Variants in FAM222A observed in about 807,000 individuals in gnomAD.
The protein encoded by FAM222A is family with sequence similarity 222 member A.
A neutral mutation model predicts 25.8 loss-of-function variants in FAM222A; 7 were observed. The ratio of observed to expected loss-of-function variants is 0.27; its 90% CI spans 0.15 to 0.51. FAM222A has a LOEUF of 0.51. Among genes scored for constraint, FAM222A ranks in the 20% least tolerant of loss-of-function variants. FAM222A has a pLI of 0.97. For synonymous variants in FAM222A, 294 were observed against 298.8 expected (o/e 0.98, Z 0.17); for missense variants, 573 against 640.5 (o/e 0.89, Z 1.14).
intron 2 of FAM222A, among the ~76,000 whole-genome samples, chr12:109,765,639 C>T (rs892049540): frequency 3.9e-5 from 6 of 152,224 alleles, no homozygotes; most frequent in Admixed American, 1.3e-4. Flanking sequence ...GTCCCGCCAC[C>T]GCCTGTTCCT....
intron 2 of FAM222A, among the ~76,000 whole-genome samples, chr12:109,755,805 T>C (rs542598683): frequency 2.2e-4 from 33 of 152,402 alleles, no homozygotes; most frequent in African/African-American, 7.9e-4. Context: ...GGTTTATTTC[T>C]GGATTTTCTA....
chr12:109,764,206 A>G (rs1888975998), intron 2 of FAM222A, among the ~76,000 whole-genome samples: 1 of 94,896 alleles, frequency 1.1e-5, no homozygotes, highest in Non-Finnish European at 2.1e-5. Context: ...TTCTACCCTG[A>G]GTAAGACCCT....
chr12:109,768,275 G>A lies in FAM222A; in HGVS notation c.346G>A (p.Ala116Thr). The A allele has an allele frequency of 6.2e-7, 1 of 1,606,252 alleles. No individual in the cohort carries two copies. Among genetic ancestry groups the A allele is most frequent in the South Asian group, 1.1e-5 (1 of 90,178 alleles). The change falls in exon 3 of 3, where the codon GCC (alanine) becomes ACC (threonine). Residue 116 changes from alanine to threonine, a missense_variant. Ala to Thr is a moderately conservative substitution (Grantham distance 58). Transcript: ENST00000538780. ...VKAAVSSSST[A>T]APAGPAKSVL... ...GGCCGCGGTTTCCTCCTCCAGCACG[G>A]CCGCACCAGCTGGGCCCGCCAAAAG...
At chr12:109,767,862 C>T in intron 2 of FAM222A, 150 bp from the exon 3 acceptor site, 1 of 803,842 alleles carries the variant, frequency 1.2e-6, no homozygotes. Context: ...GTTCCCTGCA[C>T]TTTACACTGA....
At chr12:109,729,847 C>T (rs1887911870) in intron 1 of FAM222A, among the ~76,000 whole-genome samples, 1 of 152,226 alleles carries the variant, frequency 6.6e-6, no homozygotes, top group Non-Finnish European at 1.5e-5. Flanking sequence ...ACATACAATT[C>T]ATTGTGTGCC....
rs578010640 is a variant in FAM222A, at chr12:109,769,274, C to G, written c.1345C>G (p.Pro449Ala). ...CCACCAGCATGCCCACATCCGCCTA[C>G]CCGTCTACAGATAAGGCCTGCCCTG... ...LDHQHAHIRL[P>A]VYR Residue 449 changes from proline to alanine, a missense_variant, in exon 3 of 3, where the codon CCC becomes GCC. Coordinates refer to ENST00000538780, the MANE Select transcript of FAM222A (RefSeq NM_032829.3). 1.9e-6 allele frequency: 3 copies of G among 1,609,900 alleles called. No homozygotes were observed. Among genetic ancestry groups the G allele is most frequent in the Non-Finnish European group, 2.5e-6 (3 of 1,178,886 alleles).
chr12:109,732,448 C>A (rs1887966812), intron 1 of FAM222A, among the ~76,000 whole-genome samples: 1 of 152,260 alleles, frequency 6.6e-6, no homozygotes, highest in Admixed American at 6.5e-5. Flanking sequence ...TGGACGCCAC[C>A]TGCCCGGCCG....
chr12:109,748,960 T>C (rs1446394453), intron 2 of FAM222A, among the ~76,000 whole-genome samples: 2 of 152,284 alleles, frequency 1.3e-5, no homozygotes, highest in South Asian at 4.1e-4. Context: ...AAGGAGAAAT[T>C]CAGGCTACAA....
At chr12:109,761,494 C>A (rs1026096663) in intron 2 of FAM222A, among the ~76,000 whole-genome samples, 3 of 152,206 alleles carry the variant, frequency 2.0e-5, no homozygotes, top group Non-Finnish European at 2.9e-5. Flanking sequence ...TCCCATAACC[C>A]GGGCCCTCTT....
chr12:109,722,037 G>T (rs1483657482), intron 1 of FAM222A, among the ~76,000 whole-genome samples: 1 of 152,094 alleles, frequency 6.6e-6, no homozygotes, highest in Non-Finnish European at 1.5e-5. Flanking sequence ...CAGGGCTGTA[G>T]GTGGCAGGCA....
intron 2 of FAM222A, among the ~76,000 whole-genome samples, chr12:109,761,694 C>T (rs1032183748): frequency 6.6e-6 from 1 of 152,204 alleles, no homozygotes; most frequent in Non-Finnish European, 1.5e-5. Flanking sequence ...GTTTAGGGCC[C>T]AGCAAGTCCC....
intron 1 of FAM222A, among the ~76,000 whole-genome samples, chr12:109,726,003 G>A (rs367974322): frequency 4.1e-4 from 62 of 152,032 alleles, no homozygotes; most frequent in Middle Eastern, 6.8e-3. Flanking sequence ...GTAGCAGGGC[G>A]AGGGTTGCTG....
intron 1 of FAM222A, among the ~76,000 whole-genome samples, chr12:109,717,770 G>A (rs528430212): frequency 2.6e-5 from 4 of 152,194 alleles, no homozygotes; most frequent in African/African-American, 9.7e-5. Flanking sequence ...CTCTCTTAAG[G>A]TTGGCCCCAC....
intron 2 of FAM222A, among the ~76,000 whole-genome samples, chr12:109,766,020 G>A (rs1407473470): frequency 1.3e-5 from 2 of 152,226 alleles, no homozygotes; most frequent in Admixed American, 6.5e-5. Flanking sequence ...GCCGAGTGGT[G>A]AAGCTCCTCT....
At chr12:109,765,348 G>A (rs1350013212) in intron 2 of FAM222A, among the ~76,000 whole-genome samples, 1 of 152,114 alleles carries the variant, frequency 6.6e-6, no homozygotes. Flanking sequence ...TCTACACACA[G>A]CCAGAGTGCC....
chr12:109,752,582 G>A (rs1888593590), intron 2 of FAM222A, among the ~76,000 whole-genome samples: 1 of 152,234 alleles, frequency 6.6e-6, no homozygotes, highest in African/African-American at 2.4e-5. Context: ...CCAGGCTTTG[G>A]ACAACATGAC....
At chr12:109,752,635 C>T (rs1031992345) in intron 2 of FAM222A, among the ~76,000 whole-genome samples, 3 of 147,238 alleles carry the variant, frequency 2.0e-5, no homozygotes, top group Non-Finnish European at 3.0e-5. Context: ...TGTTCTCCTC[C>T]CTCTGTAAAA....
chr12:109,716,089 T>G (rs924671491), intron 1 of FAM222A, among the ~76,000 whole-genome samples: 1 of 152,178 alleles, frequency 6.6e-6, no homozygotes, highest in African/African-American at 2.4e-5. Context: ...TGAGGCTGCT[T>G]AAGTGAATGG....
chr12:109,734,538 G>C (rs1566187560), intron 1 of FAM222A: 1 of 151,450 alleles, frequency 6.6e-6, no homozygotes, highest in East Asian at 1.9e-4. Flanking sequence ...CATTTACAAT[G>C]AGCGCCAGTC....
Sources: allele counts gnomAD v4.1 joint callset (sites outside exome capture counted in the v4.1 genomes callset), GRCh38; gene constraint gnomAD v4.1.1; transcripts MANE v1.5; gene names NCBI Gene and HGNC (gene_info 2026-07-23, HGNC 2026-07-21).